ROPN1L: variants seen among roughly 807,000 people sequenced by gnomAD.
The protein encoded by ROPN1L is ropporin-1-like protein.
A neutral mutation model predicts 22.7 loss-of-function variants in ROPN1L; 23 were observed. The ratio of observed to expected loss-of-function variants is 1.01; its 90% CI spans 0.73 to 1.43. The LOEUF is 1.43. Among genes scored for constraint, ROPN1L ranks in the 40% most tolerant of loss-of-function variants. The pLI is 0.00. For missense variants in ROPN1L, 271 were observed against 291.5 expected (o/e 0.93, Z 0.51); for synonymous variants, 116 against 117.8 (o/e 0.98, Z 0.10).
chr5:10,442,307 C>G lies in ROPN1L; in HGVS notation c.131+9C>G. ...CTGCGGTGGTCCGCGGGGTAAGCGC[C>G]CTTGGCCCGGGGAGCTGTCCGGTCT... On this transcript the variant is annotated intron_variant, in intron 1 of 4. Transcript: ENST00000274134. The G allele has an allele frequency of 6.2e-7, 1 of 1,612,498 alleles. No individual in the cohort carries two copies.
chr5:10,474,476 C>A (rs534848673), downstream of ROPN1L, among the ~76,000 whole-genome samples: 155 of 152,314 alleles, frequency 1.0e-3, no homozygotes, highest in Non-Finnish European at 1.9e-3. Context: ...ATGAGGATGG[C>A]CTCTAGGATT....
intron 1 of ROPN1L, among the ~76,000 whole-genome samples, chr5:10,447,566 C>T (rs1183762626): frequency 6.6e-6 from 1 of 152,192 alleles, no homozygotes; most frequent in Non-Finnish European, 1.5e-5. Flanking sequence ...AGCAGCAAGA[C>T]CAAACCCACC....
chr5:10,475,544 C>A (rs112817248), downstream of ROPN1L, among the ~76,000 whole-genome samples: 13 of 152,220 alleles, frequency 8.5e-5, no homozygotes, highest in African/African-American at 2.4e-4. Context: ...TGACATAGGC[C>A]TGTCTCCAAA....
downstream of ROPN1L, among the ~76,000 whole-genome samples, chr5:10,466,970 C>G (rs1243535472): frequency 2.6e-5 from 4 of 152,120 alleles, no homozygotes; most frequent in African/African-American, 9.7e-5. Context: ...TCCGTGTCCT[C>G]GTTTCCTCTT....
intron 3 of ROPN1L, among the ~76,000 whole-genome samples, chr5:10,454,505 T>C (rs1741354842): frequency 6.6e-6 from 1 of 152,212 alleles, no homozygotes; most frequent in Non-Finnish European, 1.5e-5. Flanking sequence ...GTTTTGTCTT[T>C]TAAGCATGGA....
At chr5:10,455,292 G>A (rs934243004) in intron 3 of ROPN1L, among the ~76,000 whole-genome samples, 2 of 152,174 alleles carry the variant, frequency 1.3e-5, no homozygotes, top group Non-Finnish European at 2.9e-5. Flanking sequence ...GCTAGGGCTC[G>A]AAAGCCCATT....
chr5:10,469,027 C>T (rs1465782398), downstream of ROPN1L, among the ~76,000 whole-genome samples: 11 of 152,014 alleles, frequency 7.2e-5, no homozygotes, highest in African/African-American at 1.4e-4. Context: ...TGGTGGCAGG[C>T]GCCTGTAGTC....
chr5:10,475,562 C>T (rs1013037802), downstream of ROPN1L, among the ~76,000 whole-genome samples: 1 of 152,102 alleles, frequency 6.6e-6, no homozygotes. Flanking sequence ...AAAGAGTAAA[C>T]ATAATGCCCA....
downstream of ROPN1L, among the ~76,000 whole-genome samples, chr5:10,475,090 T>C (rs1735301441): frequency 1.3e-5 from 2 of 152,184 alleles, no homozygotes; most frequent in South Asian, 4.1e-4. Flanking sequence ...GGTGGCTTTG[T>C]AGCAGAAAAC....
chr5:10,465,312 G>A (rs1184713082), downstream of ROPN1L, among the ~76,000 whole-genome samples: 9 of 152,082 alleles, frequency 5.9e-5, no homozygotes, highest in East Asian at 3.9e-4. Context: ...TCGGGAGATC[G>A]AGACCATTCT....
chr5:10,445,305 TA>T (rs1741022052), intron 1 of ROPN1L, among the ~76,000 whole-genome samples: 1 of 152,166 alleles, frequency 6.6e-6, no homozygotes, highest in Non-Finnish European at 1.5e-5. Flanking sequence ...AAAACCCAGG[TA>T]TTATTCATTC....
chr5:10,474,271 C>T (rs1735289501), downstream of ROPN1L, among the ~76,000 whole-genome samples: 2 of 152,156 alleles, frequency 1.3e-5, no homozygotes, highest in Admixed American at 1.3e-4. Context: ...GGCAGACACG[C>T]CCCATTGAAT....
At chr5:10,450,156 T>C (rs755644808) in intron 3 of ROPN1L, 43 bp downstream of exon 3, 1 of 1,449,420 alleles carries the variant, frequency 6.9e-7, no homozygotes, top group South Asian at 1.4e-5. Flanking sequence ...TGTGTCATCA[T>C]GGTCCCAGCT....
At chr5:10,463,963 A>G (rs1415345173) in intron 4 of ROPN1L, among the ~76,000 whole-genome samples, 3 of 151,762 alleles carry the variant, frequency 2.0e-5, no homozygotes, top group African/African-American at 4.8e-5. Flanking sequence ...ACCCTTTCCA[A>G]CCGGCCATGA....
chr5:10,469,142 A>G (rs1735206403), downstream of ROPN1L, among the ~76,000 whole-genome samples: 1 of 150,840 alleles, frequency 6.6e-6, no homozygotes, highest in East Asian at 2.0e-4. Flanking sequence ...GCGACAGAGC[A>G]ACTTTCTTTA....
chr5:10,471,119 G>C lies in ROPN1L; in HGVS notation n.886-691G>C, dbSNP rs114735740. Reference sequence around the variant, plus strand: ...GGGACAGTGATGAGTGGGAGAATTTGTTCCTTGATTCTCTTTTCTTTTCTT... The same window carrying C: ...GGGACAGTGATGAGTGGGAGAATTTCTTCCTTGATTCTCTTTTCTTTTCTT... On this transcript the variant is annotated intron_variant and non_coding_transcript_variant, in intron 4 of 4. Transcript: ENST00000510520. 3.2e-3 allele frequency among the ~76,000 whole-genome samples: 489 copies of C among 152,230 alleles called. 2 individuals carry two copies. The highest frequency in any genetic ancestry group is 0.011 in the African/African-American group (464 of 41,536).
rs7732307 is a variant in ROPN1L at position 10,445,739 on chromosome 5, A to C, written c.132-2521A>C. Among the ~76,000 whole-genome samples, 1,238 of 152,254 alleles carry C rather than the reference A, an allele frequency of 8.1e-3. 12 individuals are homozygous for C. The highest frequency in any genetic ancestry group is 0.029 in the African/African-American group (1,194 of 41,542). Reference sequence around the variant, plus strand: ...TCAGGAGCTCGAGACCAGCCTGCACAACGTGGCAAGACCTTGTCTGTACTA... The same window carrying C: ...TCAGGAGCTCGAGACCAGCCTGCACCACGTGGCAAGACCTTGTCTGTACTA... On this transcript the variant is annotated intron_variant, in intron 1 of 4. Coordinates refer to ENST00000274134, the MANE Select transcript of ROPN1L (RefSeq NM_031916.5).
chr5:10,455,424 G>GTCCCCAGCT, intron 3 of ROPN1L, among the ~76,000 whole-genome samples: 1 of 152,352 alleles, frequency 6.6e-6, no homozygotes, highest in East Asian at 1.9e-4. Flanking sequence ...TTAGGAAGCT[G>GTCCCCAGCT]TCCCTGAAGA....
intron 3 of ROPN1L, among the ~76,000 whole-genome samples, chr5:10,457,695 G>C (rs1228033663): frequency 1.3e-4 from 20 of 152,196 alleles, no homozygotes; most frequent in Admixed American, 1.3e-3. Flanking sequence ...AGCGGCCTCA[G>C]AGCCCTTTCC....
Sources: allele counts gnomAD v4.1 joint callset (sites outside exome capture counted in the v4.1 genomes callset), GRCh38; gene constraint gnomAD v4.1.1; transcripts MANE v1.5; gene names NCBI Gene and HGNC (gene_info 2026-07-23, HGNC 2026-07-21).